Variants in SPMIP4 observed in about 807,000 individuals in gnomAD.
SPMIP4 encodes the protein sperm microtubule inner protein 4.
At chr7:25,140,210 C>T in the SPMIP4 span, among the ~76,000 whole-genome samples, 606 of 152,294 alleles carry the variant, frequency 4.0e-3, 7 homozygotes, top group African/African-American at 0.014. Flanking sequence ...AAAACACAGC[C>T]TATAAACCTG....
chr7:25,152,873 A>G, the SPMIP4 span, among the ~76,000 whole-genome samples: 1 of 150,966 alleles, frequency 6.6e-6, no homozygotes, highest in Admixed American at 6.6e-5. Context: ...CCTCCCAATT[A>G]GCCGGGACTA....
the SPMIP4 span, chr7:25,155,101 G>A: frequency 6.2e-7 from 1 of 1,613,800 alleles, no homozygotes; most frequent in East Asian, 2.2e-5. Flanking sequence ...CCCGTGTAGA[G>A]GTCCTCAGGT....
chr7:25,176,941 C>A, the SPMIP4 span, among the ~76,000 whole-genome samples: 1 of 152,212 alleles, frequency 6.6e-6, no homozygotes, highest in Non-Finnish European at 1.5e-5. This position sits in a 1 kb window ranked among gnomAD's most constrained non-coding sequence, Gnocchi z 4.4. Context: ...CTGTGAGAAT[C>A]AGTGTTTAGT....
the SPMIP4 span, among the ~76,000 whole-genome samples, chr7:25,146,367 T>C: frequency 6.6e-6 from 1 of 152,280 alleles, no homozygotes; most frequent in South Asian, 2.1e-4. Context: ...TCTGGGCACC[T>C]TGTCTGTCAA....
At chr7:25,155,997 A>G in the SPMIP4 span, among the ~76,000 whole-genome samples, 3 of 152,336 alleles carry the variant, frequency 2.0e-5, no homozygotes, top group Non-Finnish European at 4.4e-5. Context: ...TTGAAATCCT[A>G]GTCTCCAGGG....
chr7:25,174,364 T>C, the SPMIP4 span, among the ~76,000 whole-genome samples: 2 of 152,108 alleles, frequency 1.3e-5, no homozygotes, highest in African/African-American at 4.8e-5. The surrounding 1 kb of genome is among the most constrained non-coding windows in gnomAD (Gnocchi z 4.5). Context: ...ATCAAATTAT[T>C]GGTGCTACCA....
At chr7:25,135,716 TGA>T in the SPMIP4 span, 1 of 1,016,834 alleles carries the variant, frequency 9.8e-7, no homozygotes, top group Non-Finnish European at 1.2e-6. Context: ...AATCTGAAGA[TGA>T]GAGATTAAAG....
the SPMIP4 span, among the ~76,000 whole-genome samples, chr7:25,144,865 G>A: frequency 1.3e-5 from 2 of 152,040 alleles, no homozygotes; most frequent in African/African-American, 4.8e-5. Flanking sequence ...TAACAAATAT[G>A]TGGCTTACTT....
At chr7:25,135,839 T>C in the SPMIP4 span, 1 of 1,390,892 alleles carries the variant, frequency 7.2e-7, no homozygotes, top group East Asian at 2.6e-5. Flanking sequence ...CTTAAATTCC[T>C]GAAAATGTAA....
the SPMIP4 span, among the ~76,000 whole-genome samples, chr7:25,166,449 T>C: frequency 1.3e-5 from 2 of 152,120 alleles, no homozygotes; most frequent in Admixed American, 1.3e-4. Flanking sequence ...TAGCTGGGCG[T>C]GGTGGCGGAC....
chr7:25,153,811 G>C, the SPMIP4 span, among the ~76,000 whole-genome samples: 2 of 152,310 alleles, frequency 1.3e-5, no homozygotes, highest in South Asian at 4.1e-4. Flanking sequence ...ATAGAGCTAA[G>C]CATGGTGCTC....
At chr7:25,168,743 T>G in the SPMIP4 span, among the ~76,000 whole-genome samples, 1 of 151,432 alleles carries the variant, frequency 6.6e-6, no homozygotes, top group Admixed American at 6.6e-5. Context: ...TTTTTTTTTT[T>G]GAGACAGGTT....
At chr7:25,176,207 G>A in the SPMIP4 span, among the ~76,000 whole-genome samples, 3 of 152,210 alleles carry the variant, frequency 2.0e-5, no homozygotes, top group African/African-American at 7.2e-5. The surrounding 1 kb of genome is among the most constrained non-coding windows in gnomAD (Gnocchi z 4.4). Flanking sequence ...CCAACTATAG[G>A]ACCGTTTAGG....
At chr7:25,143,583 C>CT in the SPMIP4 span, among the ~76,000 whole-genome samples, 174 of 110,672 alleles carry the variant, frequency 1.6e-3, 2 homozygotes, top group Middle Eastern at 4.5e-3. Flanking sequence ...AGTAAAGACA[C>CT]TTTTTTTTTT....
the SPMIP4 span, among the ~76,000 whole-genome samples, chr7:25,147,374 G>C: frequency 6.6e-6 from 1 of 152,166 alleles, no homozygotes; most frequent in African/African-American, 2.4e-5. Flanking sequence ...AGATGGAAAC[G>C]GTCAGTGAGA....
the SPMIP4 span, among the ~76,000 whole-genome samples, chr7:25,173,649 A>G: frequency 2.6e-5 from 4 of 152,354 alleles, no homozygotes; most frequent in East Asian, 7.7e-4. The surrounding 1 kb of genome is among the most constrained non-coding windows in gnomAD (Gnocchi z 4.4). Flanking sequence ...CGATCAACAG[A>G]CACGATTTGG....
At chr7:25,154,131 A>G in the SPMIP4 span, among the ~76,000 whole-genome samples, 1 of 152,194 alleles carries the variant, frequency 6.6e-6, no homozygotes, top group African/African-American at 2.4e-5. Flanking sequence ...ATGCTCTTAC[A>G]TATTCCACTA....
the SPMIP4 span, among the ~76,000 whole-genome samples, chr7:25,141,983 G>A: frequency 6.6e-6 from 1 of 152,142 alleles, no homozygotes; most frequent in East Asian, 1.9e-4. Flanking sequence ...TGATCTGTCC[G>A]CCTCGGCCTC....
the SPMIP4 span, among the ~76,000 whole-genome samples, chr7:25,159,088 A>G: frequency 2.6e-5 from 4 of 152,212 alleles, no homozygotes; most frequent in African/African-American, 9.6e-5. Context: ...TTCTAATGAT[A>G]AGAGAGCTCT....
Sources: allele counts gnomAD v4.1 joint callset (sites outside exome capture counted in the v4.1 genomes callset), GRCh38; gene constraint gnomAD v4.1.1; non-coding constraint Gnocchi (gnomAD v3.1); transcripts MANE v1.5; gene names NCBI Gene and HGNC (gene_info 2026-07-23, HGNC 2026-07-21).